Variants in CCDC7 observed in about 807,000 individuals in gnomAD.
CCDC7 encodes the protein coiled-coil domain-containing protein 7.
CCDC7 carries 183 observed loss-of-function variants against 196.9 expected under a neutral mutation model. The ratio of observed to expected loss-of-function variants is 0.93; its 90% CI spans 0.82 to 1.05. The LOEUF is 1.05. Ranked by LOEUF, CCDC7 falls within the 50% of genes least tolerant of loss-of-function variation. The pLI is 0.00. For synonymous variants in CCDC7, 525 were observed against 484.6 expected (o/e 1.08, Z -1.10); for missense variants, 1,540 against 1,482.2 (o/e 1.04, Z -0.64).
chr10:32,720,120 T>G (rs2082182329), intron 25 of CCDC7, among the ~76,000 whole-genome samples: 1 of 152,092 alleles, frequency 6.6e-6, no homozygotes. Flanking sequence ...CTATTCACAA[T>G]AGCAAAGACT....
exon 22 of CCDC7, chr10:32,685,994 G>A (rs781449471): frequency 1.3e-6 from 2 of 1,579,934 alleles, no homozygotes; most frequent in South Asian, 2.4e-5. Context: ...CCAAATGAAA[G>A]GCTTGTAGTT....
chr10:32,494,485 T>C (rs1198983672), intron 9 of CCDC7, among the ~76,000 whole-genome samples: 1 of 152,130 alleles, frequency 6.6e-6, no homozygotes, highest in Non-Finnish European at 1.5e-5. Flanking sequence ...CATGCTGGTT[T>C]GCTGCACCCA....
intron 18 of CCDC7, among the ~76,000 whole-genome samples, chr10:32,588,586 T>C (rs1345280284): frequency 2.6e-5 from 4 of 152,218 alleles, no homozygotes; most frequent in African/African-American, 9.6e-5. Flanking sequence ...AAGTTTTGCA[T>C]CTGTATCATA....
intron 8 of CCDC7, among the ~76,000 whole-genome samples, chr10:32,483,807 G>A (rs2040452684): frequency 1.3e-5 from 2 of 152,128 alleles, no homozygotes; most frequent in African/African-American, 2.4e-5. Context: ...GATGGTTTTC[G>A]ATGTGTGGTA....
At chr10:32,792,033 C>T (rs944346418) in intron 29 of CCDC7, among the ~76,000 whole-genome samples, 1 of 151,466 alleles carries the variant, frequency 6.6e-6, no homozygotes, top group Non-Finnish European at 1.5e-5. Context: ...TGCGGGCCAG[C>T]AGAGAATTGA....
chr10:32,509,067 C>T (rs1049055111), intron 9 of CCDC7, among the ~76,000 whole-genome samples: 8 of 151,774 alleles, frequency 5.3e-5, no homozygotes, highest in African/African-American at 1.9e-4. Flanking sequence ...CCTGAGTAGC[C>T]TCAGATGATC....
intron 28 of CCDC7, among the ~76,000 whole-genome samples, chr10:32,759,966 T>C (rs1290696462): frequency 1.3e-5 from 2 of 152,032 alleles, no homozygotes; most frequent in Non-Finnish European, 2.9e-5. Context: ...AAAGAAGACA[T>C]TTATGCAGCC....
intron 20 of CCDC7, among the ~76,000 whole-genome samples, chr10:32,649,320 A>G (rs2068316579): frequency 6.6e-6 from 1 of 152,202 alleles, no homozygotes; most frequent in African/African-American, 2.4e-5. Context: ...AAAATAAAAG[A>G]TGAAGAAAAA....
intron 18 of CCDC7, among the ~76,000 whole-genome samples, chr10:32,628,381 T>C (rs1400584401): frequency 3.9e-5 from 6 of 151,956 alleles, no homozygotes; most frequent in African/African-American, 1.4e-4. Context: ...CCTCCTTTTC[T>C]GATTTTATTT....
At chr10:32,566,683 G>A (rs1002820865) in intron 14 of CCDC7, among the ~76,000 whole-genome samples, 7 of 151,594 alleles carry the variant, frequency 4.6e-5, no homozygotes, top group South Asian at 2.1e-4. Context: ...GGCCAAGGCC[G>A]GTGGATCACT....
chr10:32,824,453 A>G, intron 31 of CCDC7, 65 bp from the exon 33 acceptor site: 2 of 991,216 alleles, frequency 2.0e-6, no homozygotes, highest in Non-Finnish European at 3.1e-6. Flanking sequence ...TATTAGACAC[A>G]TGCACACACA....
At chr10:32,544,092 A>C (rs1400698756) in intron 12 of CCDC7, among the ~76,000 whole-genome samples, 155 bp from the exon 14 acceptor site, 3 of 152,098 alleles carry the variant, frequency 2.0e-5, no homozygotes, top group Non-Finnish European at 4.4e-5. Context: ...GTTGTTTGTA[A>C]TTTAGCCTGT....
chr10:32,794,968 C>T (rs2083319123), intron 29 of CCDC7, among the ~76,000 whole-genome samples: 1 of 152,064 alleles, frequency 6.6e-6, no homozygotes, highest in Non-Finnish European at 1.5e-5. Context: ...GGAAAGCATC[C>T]TAGTGCTTGG....
At chr10:32,736,346 C>G (rs962332801) in intron 28 of CCDC7, among the ~76,000 whole-genome samples, 3 of 152,226 alleles carry the variant, frequency 2.0e-5, no homozygotes, top group African/African-American at 7.2e-5. Context: ...TTTCCTTAAT[C>G]AGAGTATTTT....
intron 8 of CCDC7, among the ~76,000 whole-genome samples, 184 bp from the exon 10 acceptor site, chr10:32,491,738 T>C (rs1319615549): frequency 6.6e-6 from 1 of 152,162 alleles, no homozygotes; most frequent in Non-Finnish European, 1.5e-5. Context: ...GATTTGCACA[T>C]AATAGGTGTT....
chr10:32,538,617 GTTTTGTCATAGATAGC>G (rs2050891316), intron 11 of CCDC7, among the ~76,000 whole-genome samples: 1 of 152,162 alleles, frequency 6.6e-6, no homozygotes, highest in Non-Finnish European at 1.5e-5. Flanking sequence ...GTTGGCTGTG[GTTTTGTCATAGATAGC>G]TTTTATTATT....
At chr10:32,806,214 T>C (rs2085814393) in intron 30 of CCDC7, among the ~76,000 whole-genome samples, 3 of 152,016 alleles carry the variant, frequency 2.0e-5, no homozygotes, top group South Asian at 4.1e-4. Flanking sequence ...GCCAAATCAC[T>C]GAAGAAATAA....
intron 11 of CCDC7, among the ~76,000 whole-genome samples, chr10:32,540,281 C>T (rs1461500600): frequency 1.3e-5 from 2 of 152,188 alleles, no homozygotes; most frequent in Non-Finnish European, 2.9e-5. Flanking sequence ...TACTGCCCAT[C>T]TTTACCTTTT....
At chr10:32,784,925 C>T (rs953030376) in intron 29 of CCDC7, among the ~76,000 whole-genome samples, 5 of 150,338 alleles carry the variant, frequency 3.3e-5, no homozygotes, top group African/African-American at 1.2e-4. Context: ...TTGCTTGAAC[C>T]TGGGAGGCAG....
Sources: allele counts gnomAD v4.1 joint callset (sites outside exome capture counted in the v4.1 genomes callset), GRCh38; gene constraint gnomAD v4.1.1; transcripts MANE v1.5; gene names NCBI Gene and HGNC (gene_info 2026-07-23, HGNC 2026-07-21).